MGLL: variants seen among roughly 807,000 people sequenced by gnomAD.
MGLL encodes monoglyceride lipase.
Under a neutral mutation model 29.1 loss-of-function variants are expected in MGLL, and 7 were observed. That is an observed-to-expected ratio of 0.24 (90% CI 0.14 to 0.45). MGLL has a LOEUF of 0.45. Ranked by LOEUF, MGLL falls within the 20% of genes least tolerant of loss-of-function variation. The pLI is 0.99. For missense variants in MGLL, 356 were observed against 413.6 expected (o/e 0.86, Z 1.21); for synonymous variants, 148 against 168.3 (o/e 0.88, Z 0.93).
At chr3:127,767,035 T>G (rs1382825927) in intron 3 of MGLL, among the ~76,000 whole-genome samples, 4 of 151,980 alleles carry the variant, frequency 2.6e-5, no homozygotes, top group Non-Finnish European at 5.9e-5. Flanking sequence ...ATTGCACCAC[T>G]GCACTCCAGC....
chr3:127,699,607 G>A (rs980571750), intron 6 of MGLL, among the ~76,000 whole-genome samples: 4 of 152,180 alleles, frequency 2.6e-5, no homozygotes, highest in Non-Finnish European at 5.9e-5. Flanking sequence ...GCAGAGCCAA[G>A]GTAAGAACCT....
rs1489713054 is a variant in MGLL at position 127,692,199 on chromosome 3, C to T, written c.941G>A (p.Ter314=). 1.9e-6 allele frequency: 3 copies of T among 1,601,550 alleles called. No individual in the cohort carries two copies. In the African/African-American group the frequency reaches 4.1e-5, roughly 22 times the overall value. ...TGAGCCGGGCACCGGCCAATGCATT[C>T]AGGGTGGGGACGCAGTTCCTGCCGT... ...TATAGTASPP[*] Residue 314 remains the stop codon, a stop_retained_variant, in exon 8 of 8, where the codon TGA becomes TAA. Coordinates refer to ENST00000265052, the MANE Select transcript of MGLL (RefSeq NM_007283.7).
intron 3 of MGLL, among the ~76,000 whole-genome samples, chr3:127,731,708 T>C (rs1211053017): frequency 3.3e-5 from 5 of 152,144 alleles, no homozygotes; most frequent in Non-Finnish European, 1.5e-5. Context: ...GAAGCCACAA[T>C]AAAAGCCCCG....
chr3:127,742,585 G>A (rs539227821), intron 3 of MGLL, among the ~76,000 whole-genome samples: 38 of 74,538 alleles, frequency 5.1e-4, no homozygotes, highest in East Asian at 4.3e-3. Context: ...GCGAGACTCC[G>A]TCCCAAAAAA....
chr3:127,771,366 T>G (rs2076945177), intron 3 of MGLL, among the ~76,000 whole-genome samples: 1 of 152,190 alleles, frequency 6.6e-6, no homozygotes, highest in African/African-American at 2.4e-5. Flanking sequence ...TTTTATTTTT[T>G]GCGATAGGGT....
intron 3 of MGLL, among the ~76,000 whole-genome samples, chr3:127,769,137 A>G (rs1002239050): frequency 1.3e-5 from 2 of 152,150 alleles, no homozygotes; most frequent in African/African-American, 4.8e-5. Flanking sequence ...AGATCACCTG[A>G]TGCCAGGAGT....
At chr3:127,756,807 A>T (rs1044850543) in intron 3 of MGLL, among the ~76,000 whole-genome samples, 3 of 152,236 alleles carry the variant, frequency 2.0e-5, no homozygotes, top group Admixed American at 1.3e-4. Context: ...ATAAATACAT[A>T]TAAATAAGAA....
intron 3 of MGLL, among the ~76,000 whole-genome samples, chr3:127,740,853 A>G (rs775936278): frequency 6.6e-6 from 1 of 152,220 alleles, no homozygotes; most frequent in Non-Finnish European, 1.5e-5. Context: ...ACAAGAACAC[A>G]GCACGGGAAA....
intron 2 of MGLL, among the ~76,000 whole-genome samples, chr3:127,797,264 G>A (rs1348260285): frequency 6.6e-6 from 1 of 152,052 alleles, no homozygotes; most frequent in Non-Finnish European, 1.5e-5. Flanking sequence ...GACATTCTGT[G>A]TGGCTGTCCC....
rs35924738 is a variant in MGLL at position 127,697,062 on chromosome 3, G to A, written c.601-1872C>T. Among the ~76,000 whole-genome samples the A allele has an allele frequency of 2.5e-3, 376 of 152,356 alleles. 1 individual carries two copies. The highest frequency in any genetic ancestry group is 4.3e-3 in the Non-Finnish European group (294 of 68,038). ...CCAGACCATTTGTGTAAATCCACAC[G>A]AGACAGATTAGCCACTTCCTGCAGC... On this transcript the variant is annotated intron_variant, in intron 6 of 7. Transcript: ENST00000265052.
At chr3:127,793,011 T>C (rs537142179) in intron 2 of MGLL, among the ~76,000 whole-genome samples, 1 of 152,288 alleles carries the variant, frequency 6.6e-6, no homozygotes, top group Non-Finnish European at 1.5e-5. Flanking sequence ...ACTCAAAATA[T>C]TTTTTCTTGG....
chr3:127,735,571 C>T lies in MGLL; in HGVS notation c.263-13005G>A, dbSNP rs2076227812. The T allele has an allele frequency of 3.2e-6, 3 of 942,608 alleles. No homozygotes were observed. The East Asian group carries it at 7.3e-5, about 23-fold the overall frequency. 58.4% of individuals were successfully genotyped at this position (942,608 alleles called of 1,614,324 possible). A position where few individuals can be genotyped will look rare whatever the true frequency, so the allele number is the denominator to read the frequency against. Reference sequence around the variant, plus strand: ...GCAAATATACATATTTTTAGAGACTCATACTTATGTGATAAACACATAAAA... The same window carrying T: ...GCAAATATACATATTTTTAGAGACTTATACTTATGTGATAAACACATAAAA... On this transcript the variant is annotated intron_variant, in intron 3 of 7. Transcript: ENST00000265052.
intron 3 of MGLL, among the ~76,000 whole-genome samples, chr3:127,757,736 G>A (rs952629320): frequency 6.6e-6 from 1 of 152,174 alleles, no homozygotes; most frequent in African/African-American, 2.4e-5. Flanking sequence ...ACCTGCCTCC[G>A]AGAGAGTGTT....
intron 3 of MGLL, among the ~76,000 whole-genome samples, chr3:127,774,064 A>C (rs755029070): frequency 1.8e-4 from 28 of 152,092 alleles, no homozygotes; most frequent in Non-Finnish European, 3.7e-4. Context: ...CCCTCCCTCC[A>C]GTGGCTTCCA....
chr3:127,704,233 T>C (rs2075555409), intron 6 of MGLL, among the ~76,000 whole-genome samples: 2 of 152,284 alleles, frequency 1.3e-5, no homozygotes, highest in South Asian at 4.1e-4. Flanking sequence ...TAACTCAAGG[T>C]GGATTAAAGA....
In MGLL at chr3:127,691,259, C is replaced by G. The variant is rs1031312618; in HGVS notation, c.*939G>C. 8 of 152,800 alleles carry G rather than the reference C, an allele frequency of 5.2e-5. No individual in the cohort carries two copies. Among genetic ancestry groups the G allele is most frequent in the Middle Eastern group, 3.4e-3 (1 of 294 alleles). 9.5% of individuals were successfully genotyped at this position (152,800 alleles called of 1,614,324 possible). On this transcript the variant is annotated 3_prime_UTR_variant, in exon 8 of 8. Coordinates refer to ENST00000265052, the MANE Select transcript of MGLL (RefSeq NM_007283.7). The stretch of plus-strand genomic sequence containing the variant: ...CTTAGCTCCTAGAGCACAGAGCCCT[C>G]TGGCCCCACCACTGCCGGCCCAACC...
Position 127,723,559 on chromosome 3 carries a change from C to G in MGLL, c.263-993G>C, listed in dbSNP as rs537899317. ...CCACACCCACCTTCCCAGTCGCCCC[C>G]CCACGGTCTGTCTGACCATCCCAGT... On this transcript the variant is annotated intron_variant, in intron 3 of 7. Transcript: ENST00000265052. 3.4e-4 allele frequency among the ~76,000 whole-genome samples: 52 copies of G among 152,156 alleles called. 1 individual carries two copies. Among genetic ancestry groups the G allele is most frequent in the African/African-American group, 2.4e-4 (10 of 41,452 alleles).
chr3:127,705,353 C>T lies in MGLL; in HGVS notation c.600+5223G>A, dbSNP rs2075579258. Among the ~76,000 whole-genome samples the T allele has an allele frequency of 2.0e-5, 3 of 151,554 alleles. No individual in the cohort carries two copies. In the South Asian group the frequency reaches 6.3e-4, roughly 32 times the overall value. On this transcript the variant is annotated intron_variant, in intron 6 of 7. Coordinates refer to ENST00000265052, the MANE Select transcript of MGLL (RefSeq NM_007283.7). Reference sequence around the variant, plus strand: ...TGTTTACCTATGTAACAAACCTGCACATCCTGCGTATGTATCCTGGAACTT... The same window carrying T: ...TGTTTACCTATGTAACAAACCTGCATATCCTGCGTATGTATCCTGGAACTT...
At chr3:127,715,723 T>A in intron 5 of MGLL, 1 of 455,896 alleles carries the variant, frequency 2.2e-6, no homozygotes, top group South Asian at 1.5e-5. Flanking sequence ...AAGGAAGGAG[T>A]CATGGCAGGT....
Sources: allele counts gnomAD v4.1 joint callset (sites outside exome capture counted in the v4.1 genomes callset), GRCh38; gene constraint gnomAD v4.1.1; transcripts MANE v1.5; gene names NCBI Gene and HGNC (gene_info 2026-07-23, HGNC 2026-07-21).